Variants in NEDD9 observed in about 807,000 individuals in gnomAD.
NEDD9 encodes neural precursor cell expressed, developmentally down-regulated 9.
In NEDD9, 26 loss-of-function variants were observed where a neutral mutation model predicts 76.6. The ratio of observed to expected loss-of-function variants is 0.34; its 90% CI spans 0.25 to 0.47. The LOEUF (loss-of-function observed/expected upper bound fraction) is 0.47. Ranked by LOEUF, NEDD9 falls within the 20% of genes least tolerant of loss-of-function variation. The pLI is 1.00. For synonymous variants in NEDD9, 392 were observed against 414.2 expected (o/e 0.95, Z 0.65); for missense variants, 937 against 1,058.5 (o/e 0.89, Z 1.59).
At chr6:11,229,446 T>G (rs986212276) in intron 1 of NEDD9, among the ~76,000 whole-genome samples, 4 of 152,026 alleles carry the variant, frequency 2.6e-5, no homozygotes, top group Non-Finnish European at 5.9e-5. Context: ...CGGGGGCTTC[T>G]GCTCAAACAC....
chr6:11,190,982 C>A lies in NEDD9; in HGVS notation c.887G>T (p.Ser296Ile). 2 of 1,613,992 alleles carry A rather than the reference C, an allele frequency of 1.2e-6. No homozygotes were observed. Among genetic ancestry groups the A allele is most frequent in the Non-Finnish European group, 1.7e-6 (2 of 1,180,002 alleles). ...AAEPVARRHQ[S>I]LSPNHPPPQL... Reference sequence around the variant, plus strand: ...CGGGGGTGGGTGATTCGGGGACAGGCTCTGGTGCCTTCGAGCCACCGGTTC... The same window carrying A: ...CGGGGGTGGGTGATTCGGGGACAGGATCTGGTGCCTTCGAGCCACCGGTTC... Residue 296 changes from serine to isoleucine, a missense_variant, in exon 5 of 7, where the codon AGC becomes ATC. Coordinates refer to ENST00000379446, the MANE Select transcript of NEDD9 (RefSeq NM_006403.4). This position sits in a 1 kb window ranked among gnomAD's most constrained non-coding sequence, Gnocchi z 5.8.
intron 1 of NEDD9, among the ~76,000 whole-genome samples, chr6:11,353,875 GA>G (rs1397818515): frequency 6.6e-6 from 1 of 152,212 alleles, no homozygotes; most frequent in African/African-American, 2.4e-5. Context: ...ATGGATAAGA[GA>G]AAACAACTTG....
intron 3 of NEDD9, among the ~76,000 whole-genome samples, chr6:11,295,919 A>AC (rs1760877285): frequency 6.6e-6 from 1 of 151,980 alleles, no homozygotes; most frequent in Non-Finnish European, 1.5e-5. Flanking sequence ...CTGAATTGTG[A>AC]CCCCCACCCC....
intron 1 of NEDD9, among the ~76,000 whole-genome samples, chr6:11,227,142 G>T (rs1158470789): frequency 6.6e-6 from 1 of 152,182 alleles, no homozygotes; most frequent in African/African-American, 2.4e-5. Flanking sequence ...TAGTATATTA[G>T]CAAGTGGGGT....
intron 4 of NEDD9, among the ~76,000 whole-genome samples, chr6:11,191,498 C>T (rs1374577043): frequency 6.6e-6 from 1 of 152,178 alleles, no homozygotes; most frequent in Admixed American, 6.5e-5. Flanking sequence ...CCTTTCTCTG[C>T]TGATCTGTGC....
chr6:11,343,097 T>G (rs978941085), intron 1 of NEDD9, among the ~76,000 whole-genome samples: 1 of 151,462 alleles, frequency 6.6e-6, no homozygotes, highest in Non-Finnish European at 1.5e-5. Context: ...GAAGATAAAT[T>G]ACACCATGGT....
intron 3 of NEDD9, among the ~76,000 whole-genome samples, chr6:11,293,196 G>GTTT (rs35317754): frequency 1.2e-3 from 173 of 148,510 alleles, no homozygotes; most frequent in Middle Eastern, 3.5e-3. Context: ...CTAAGTCTAT[G>GTTT]TTTTTTTTTT....
At chr6:11,360,825 C>T (rs1375099408) in intron 1 of NEDD9, among the ~76,000 whole-genome samples, 1 of 152,118 alleles carries the variant, frequency 6.6e-6, no homozygotes, top group Non-Finnish European at 1.5e-5. Flanking sequence ...GGAAGGCTAC[C>T]ACTCCTTGCC....
At chr6:11,204,651 C>T (rs192871110) in intron 2 of NEDD9, among the ~76,000 whole-genome samples, 20 of 127,516 alleles carry the variant, frequency 1.6e-4, no homozygotes, top group African/African-American at 4.2e-4. Flanking sequence ...ACCCAGGAGG[C>T]GGAGGTTGTG....
intron 1 of NEDD9, among the ~76,000 whole-genome samples, chr6:11,229,454 C>T (rs1759403682): frequency 6.6e-6 from 1 of 152,000 alleles, no homozygotes; most frequent in Admixed American, 6.5e-5. Flanking sequence ...TCTGCTCAAA[C>T]ACAGCTGCGC....
At chr6:11,317,527 T>C (rs1049760584) in intron 2 of NEDD9, among the ~76,000 whole-genome samples, 3 of 151,902 alleles carry the variant, frequency 2.0e-5, no homozygotes, top group African/African-American at 7.3e-5. Context: ...AGATTCAGGA[T>C]GGTGCGTTAT....
chr6:11,324,403 G>C (rs1054412598), intron 2 of NEDD9, among the ~76,000 whole-genome samples: 1 of 152,060 alleles, frequency 6.6e-6, no homozygotes, highest in Non-Finnish European at 1.5e-5. Context: ...TCAGTGCACC[G>C]CCCGATCCCC....
chr6:11,334,690 T>C (rs1308532573), intron 1 of NEDD9: 6 of 152,264 alleles, frequency 3.9e-5, no homozygotes, highest in Non-Finnish European at 2.9e-5. Flanking sequence ...CATTTCTCGC[T>C]TTATGTTTTT....
chr6:11,318,059 T>G (rs1049994561), intron 2 of NEDD9, among the ~76,000 whole-genome samples: 19 of 152,184 alleles, frequency 1.2e-4, no homozygotes, highest in African/African-American at 4.6e-4. Flanking sequence ...TGGACTTAAA[T>G]GGAGATATCA....
At chr6:11,305,988 T>C in intron 3 of NEDD9, 1 of 1,613,982 alleles carries the variant, frequency 6.2e-7, no homozygotes, top group Non-Finnish European at 8.5e-7. Flanking sequence ...CTATCAGTAC[T>C]CACCCTTGTC....
intron 3 of NEDD9, among the ~76,000 whole-genome samples, chr6:11,265,032 T>C (rs1760178635): frequency 6.6e-6 from 1 of 152,244 alleles, no homozygotes; most frequent in Non-Finnish European, 1.5e-5. Flanking sequence ...TCTTAAATTA[T>C]AGGGACCTTT....
Position 11,362,504 on chromosome 6 carries a change from T to A in NEDD9, c.-214+19635A>T, listed in dbSNP as rs575666003. On this transcript the variant is annotated intron_variant, in intron 1 of 3. Coordinates refer to the NEDD9 transcript ENST00000397378. ...CCAGGGCTACCATGAGCACTTTGAT[T>A]CTTATATTCTATGAGCTTCACATCT... Among the ~76,000 whole-genome samples the A allele has an allele frequency of 5.3e-5, 8 of 152,352 alleles. No individual in the cohort carries two copies. The South Asian group carries it at 1.4e-3, about 28-fold the overall frequency.
chr6:11,246,696 T>C (rs1198090344), intron 3 of NEDD9, among the ~76,000 whole-genome samples: 1 of 152,184 alleles, frequency 6.6e-6, no homozygotes, highest in African/African-American at 2.4e-5. Flanking sequence ...GAAAACAAGA[T>C]GGCAGCCCGG....
chr6:11,311,188 T>A (rs769997033), intron 2 of NEDD9, among the ~76,000 whole-genome samples: 2 of 152,148 alleles, frequency 1.3e-5, no homozygotes, highest in Non-Finnish European at 2.9e-5. Context: ...CCCAAATTCA[T>A]ATGTTAAATT....
Sources: gnomAD v4.1 joint callset for allele counts (sites outside exome capture counted in the v4.1 genomes callset) on GRCh38, gnomAD v4.1.1 for gene constraint, Gnocchi (gnomAD v3.1) non-coding constraint, MANE v1.5 for transcripts, NCBI Gene and HGNC (gene_info 2026-07-23, HGNC 2026-07-21) for gene names.